POLR1F: variants seen among roughly 807,000 people sequenced by gnomAD.
POLR1F encodes DNA-directed RNA polymerase I subunit RPA43.
Under a neutral mutation model 21.8 loss-of-function variants are expected in POLR1F, and 23 were observed. The observed-to-expected ratio is 1.05, with a 90% CI of 0.76 to 1.49. POLR1F has a LOEUF of 1.49. Ranked by LOEUF, POLR1F falls within the 40% of genes most tolerant of loss-of-function variation. The pLI is 0.00. For missense variants in POLR1F, 435 were observed against 412.1 expected (o/e 1.06, Z -0.48); for synonymous variants, 162 against 152.8 (o/e 1.06, Z -0.45).
chr7:19,699,914 G>A (rs1309427811), intron 3 of POLR1F, among the ~76,000 whole-genome samples, 158 bp downstream of exon 3: 1 of 152,100 alleles, frequency 6.6e-6, no homozygotes, highest in Admixed American at 6.6e-5. Context: ...TAAGAGTATT[G>A]TTTATATTGA....
intron 2 of POLR1F, among the ~76,000 whole-genome samples, chr7:19,702,236 A>G (rs1380311366): frequency 6.6e-6 from 1 of 152,222 alleles, no homozygotes; most frequent in Non-Finnish European, 1.5e-5. Flanking sequence ...GGGGGTGGTT[A>G]TATGGGAACT....
chr7:19,702,464 G>C (rs564420952), intron 2 of POLR1F, among the ~76,000 whole-genome samples: 1 of 152,252 alleles, frequency 6.6e-6, no homozygotes, highest in East Asian at 1.9e-4. Flanking sequence ...AAAACTAAAA[G>C]CTTGTAGAAG....
chr7:19,706,140 T>A (rs542506308), intron 1 of POLR1F, among the ~76,000 whole-genome samples: 2 of 152,212 alleles, frequency 1.3e-5, no homozygotes, highest in South Asian at 4.1e-4. Flanking sequence ...CCCTAACAGA[T>A]GTTGTTTAGT....
rs1783386641 is a variant in POLR1F, at chr7:19,697,488, A to T, written c.*828T>A. 1 of 152,150 alleles carries T rather than the reference A, an allele frequency of 6.6e-6. No individual in the cohort carries two copies. Among genetic ancestry groups the T allele is most frequent in the Non-Finnish European group, 1.5e-5 (1 of 67,998 alleles). 9.4% of individuals were successfully genotyped at this position (152,150 alleles called of 1,614,324 possible). A position where few individuals can be genotyped will look rare whatever the true frequency, so the allele number is the denominator to read the frequency against. ...CTCAATGAAAGCAGTGAACAGAACA[A>T]CTGTTTTCTCTTCAGCACAATATCT... is the stretch of plus-strand genomic sequence containing the variant. On this transcript the variant is annotated 3_prime_UTR_variant, in exon 4 of 4. Coordinates refer to ENST00000222567, the MANE Select transcript of POLR1F (RefSeq NM_001002926.2).
chr7:19,707,164 C>T (rs182390286), intron 1 of POLR1F, among the ~76,000 whole-genome samples: 267 of 152,302 alleles, frequency 1.8e-3, no homozygotes, highest in Non-Finnish European at 2.9e-3. Flanking sequence ...ATCTTAATTC[C>T]TCTCCTTGTC....
chr7:19,702,843 G>A (rs545831481), intron 2 of POLR1F, among the ~76,000 whole-genome samples: 7 of 152,242 alleles, frequency 4.6e-5, no homozygotes, highest in African/African-American at 1.7e-4. Flanking sequence ...ACTACTATAT[G>A]CCCATCAGTA....
rs1296685395 is a variant in POLR1F, at chr7:19,696,854, A to G, written c.*1462T>C. ...AATCTGGTATGTATTTTATACTGAC[A>G]GCACATCTCAATTTGGACAAGCTAC... On this transcript the variant is annotated 3_prime_UTR_variant, in exon 4 of 4. Coordinates refer to ENST00000222567, the MANE Select transcript of POLR1F (RefSeq NM_001002926.2). 2.6e-5 allele frequency: 4 copies of G among 152,132 alleles called. No individual in the cohort carries two copies. The highest frequency in any genetic ancestry group is 2.0e-4 in the Admixed American group (3 of 15,274). 9.4% of individuals were successfully genotyped at this position (152,132 alleles called of 1,614,324 possible).
chr7:19,701,650 C>T (rs1722098528), intron 2 of POLR1F, among the ~76,000 whole-genome samples: 1 of 152,136 alleles, frequency 6.6e-6, no homozygotes, highest in Non-Finnish European at 1.5e-5. Flanking sequence ...ATACTAGGGA[C>T]AATAGAGGCT....
chr7:19,701,658 G>C (rs965263360), intron 2 of POLR1F, among the ~76,000 whole-genome samples: 2 of 152,158 alleles, frequency 1.3e-5, no homozygotes, highest in Non-Finnish European at 2.9e-5. Context: ...GACAATAGAG[G>C]CTTCCCCAGT....
chr7:19,699,955 T>TA, intron 3 of POLR1F, 117 bp downstream of exon 3: 1 of 791,110 alleles, frequency 1.3e-6, no homozygotes, highest in Non-Finnish European at 2.0e-6. Flanking sequence ...AATATTCCTA[T>TA]AAACAGGTAT....
At chr7:19,700,040 A>G in intron 3 of POLR1F, 32 bp downstream of exon 3, 1 of 1,517,046 alleles carries the variant, frequency 6.6e-7, no homozygotes, top group Non-Finnish European at 9.2e-7. Flanking sequence ...GAAATTAAGT[A>G]CCTAGTGATA....
Position 19,696,932 on chromosome 7 carries a change from C to A in POLR1F, c.*1384G>T, listed in dbSNP as rs1243683066. ...TCTCAATTGTAATCAAAGAGGTTGG[C>A]CTGCATCCTTCCATTGTCTAGCACA... On this transcript the variant is annotated 3_prime_UTR_variant, in exon 4 of 4. Coordinates refer to ENST00000222567, the MANE Select transcript of POLR1F (RefSeq NM_001002926.2). 1 of 152,084 alleles carries A rather than the reference C, an allele frequency of 6.6e-6. No homozygotes were observed. Among genetic ancestry groups the A allele is most frequent in the Non-Finnish European group, 1.5e-5 (1 of 67,946 alleles). The allele number at this position is 152,084 out of a possible 1,614,324, so 9.4% of individuals were successfully genotyped here.
chr7:19,697,605 C>T lies in POLR1F; in HGVS notation c.*711G>A, dbSNP rs1032136155. ...GTCTTCATTAGACTGTCCTCCAACA[C>T]ACAACAAAACTAGAATGGCTGAGGC... On this transcript the variant is annotated 3_prime_UTR_variant, in exon 4 of 4. Transcript: ENST00000222567. 1 of 152,168 alleles carries T rather than the reference C, an allele frequency of 6.6e-6. No individual in the cohort carries two copies. Among genetic ancestry groups the T allele is most frequent in the Non-Finnish European group, 1.5e-5 (1 of 68,030 alleles). 9.4% of individuals were successfully genotyped at this position (152,168 alleles called of 1,614,324 possible).
intron 1 of POLR1F, among the ~76,000 whole-genome samples, chr7:19,705,941 A>AAGTAGTGTT (rs768858326): frequency 7.2e-5 from 11 of 152,198 alleles, no homozygotes; most frequent in South Asian, 2.1e-4. Flanking sequence ...TGACTCCCCC[A>AAGTAGTGTT]GGCAAAGCTG....
rs151253304 is a variant in POLR1F, at chr7:19,708,499, C to G, written c.254+264G>C. On this transcript the variant is annotated intron_variant, in intron 1 of 3. Coordinates refer to ENST00000222567, the MANE Select transcript of POLR1F (RefSeq NM_001002926.2). ...CTTTTCCTACCCCTACACCAGGGTT[C>G]TGGAGCAAGAATCTCCACTCCCTCC... 4.0e-3 allele frequency among the ~76,000 whole-genome samples: 606 copies of G among 152,312 alleles called. 6 individuals are homozygous for G. The highest frequency in any genetic ancestry group is 0.014 in the African/African-American group (588 of 41,564).
intron 2 of POLR1F, among the ~76,000 whole-genome samples, chr7:19,701,464 A>T (rs1783445589): frequency 6.6e-6 from 1 of 152,182 alleles, no homozygotes; most frequent in Non-Finnish European, 1.5e-5. Context: ...ATAATGGAAG[A>T]TAAGTTGTTG....
rs753114642 is a variant in POLR1F at position 19,704,789 on chromosome 7, T to A, written c.386A>T (p.Gln129Leu). 1 of 1,597,678 alleles carries A rather than the reference T, an allele frequency of 6.3e-7. No homozygotes were observed. Among genetic ancestry groups the A allele is most frequent in the Non-Finnish European group, 8.5e-7 (1 of 1,175,652 alleles). ...DFVIFCPEPGQKLMGIVNKVS... is the reference protein window; with the variant it reads ...DFVIFCPEPGLKLMGIVNKVS... Reference sequence around the variant, plus strand: ...AAGTGATACACATACCATAAGCTTCTGCCCTGGTTCAGGGCAGAAAATAAC... The same window carrying A: ...AAGTGATACACATACCATAAGCTTCAGCCCTGGTTCAGGGCAGAAAATAAC... Residue 129 changes from glutamine to leucine, a missense_variant, in exon 2 of 4, where the codon CAG (glutamine) becomes CTG (leucine). Coordinates refer to ENST00000222567, the MANE Select transcript of POLR1F (RefSeq NM_001002926.2).
At chr7:19,699,895 C>T (rs938770672) in intron 3 of POLR1F, among the ~76,000 whole-genome samples, 177 bp downstream of exon 3, 2 of 152,096 alleles carry the variant, frequency 1.3e-5, no homozygotes, top group Non-Finnish European at 2.9e-5. Flanking sequence ...TGCACTGTTA[C>T]AGATTACTTA....
At chr7:19,706,470 G>T (rs61653979) in intron 1 of POLR1F, among the ~76,000 whole-genome samples, 4,810 of 152,282 alleles carry the variant, frequency 0.032, 264 homozygotes, top group African/African-American at 0.11. Flanking sequence ...GGGGGGACAT[G>T]TGGAAATTTG....
Sources: gnomAD v4.1 joint callset for allele counts (sites outside exome capture counted in the v4.1 genomes callset) on GRCh38, gnomAD v4.1.1 for gene constraint, MANE v1.5 for transcripts, NCBI Gene and HGNC (gene_info 2026-07-23, HGNC 2026-07-21) for gene names.